RSRC1: variants seen among roughly 807,000 people sequenced by gnomAD.
RSRC1 encodes the protein serine/Arginine-related protein 53.
A neutral mutation model predicts 49.1 loss-of-function variants in RSRC1; 39 were observed. The observed-to-expected ratio is 0.79, with a 90% CI of 0.61 to 1.04. RSRC1 has a LOEUF of 1.04. Among genes scored for constraint, RSRC1 ranks in the 50% least tolerant of loss-of-function variants. The probability of loss-of-function intolerance (pLI) is 0.00; values close to 1 mark genes in which losing one functional copy is unlikely to be tolerated. For synonymous variants in RSRC1, 143 were observed against 130.8 expected (o/e 1.09, Z -0.63); for missense variants, 388 against 402.4 (o/e 0.96, Z 0.31).
chr3:158,190,986 A>G lies in RSRC1; in HGVS notation c.321-12086A>G, dbSNP rs112824636. Among the ~76,000 whole-genome samples, 1,124 of 151,976 alleles carry G rather than the reference A, an allele frequency of 7.4e-3. 20 individuals are homozygous for G. Among genetic ancestry groups the G allele is most frequent in the African/African-American group, 0.026 (1,089 of 41,502 alleles). On this transcript the variant is annotated intron_variant, in intron 3 of 9. Coordinates refer to ENST00000611884, the MANE Select transcript of RSRC1 (RefSeq NM_001271838.2). ...GGCTGGAGTACAGTGGCTCACTCCA[A>G]TCTTAGCTTACTGCAGCCTTCTAAC...
intron 1 of RSRC1, among the ~76,000 whole-genome samples, chr3:158,119,027 C>T (rs1028109472): frequency 6.6e-6 from 1 of 152,202 alleles, no homozygotes; most frequent in Non-Finnish European, 1.5e-5. Flanking sequence ...TCTTTTTTTA[C>T]TGTGTCCTTG....
At chr3:158,508,169 G>T (rs1031816779) in intron 7 of RSRC1, among the ~76,000 whole-genome samples, 2 of 152,152 alleles carry the variant, frequency 1.3e-5, no homozygotes, top group East Asian at 1.9e-4. Flanking sequence ...TTTCAATGAG[G>T]ATAGTTTAAA....
chr3:158,340,194 G>A (rs989600123), intron 5 of RSRC1, among the ~76,000 whole-genome samples: 1 of 152,102 alleles, frequency 6.6e-6, no homozygotes, highest in Non-Finnish European at 1.5e-5. Context: ...TAAGTCTCAC[G>A]AGATCTGATG....
intron 6 of RSRC1, among the ~76,000 whole-genome samples, chr3:158,385,268 T>A (rs1732912115): frequency 6.6e-6 from 1 of 152,118 alleles, no homozygotes; most frequent in South Asian, 2.1e-4. Context: ...ACCGTCCTAG[T>A]GTAGGTAGGA....
At chr3:158,282,932 A>G (rs1046486351) in intron 4 of RSRC1, among the ~76,000 whole-genome samples, 5 of 152,172 alleles carry the variant, frequency 3.3e-5, no homozygotes, top group Non-Finnish European at 5.9e-5. Flanking sequence ...GTGGTTAGTG[A>G]TAGGAGCCAA....
At chr3:158,365,949 T>A (rs555167609) in intron 6 of RSRC1, among the ~76,000 whole-genome samples, 60 of 152,234 alleles carry the variant, frequency 3.9e-4, no homozygotes, top group Non-Finnish European at 7.6e-4. Flanking sequence ...AAATGTCTTC[T>A]TTTGAGAAGT....
At chr3:158,521,648 T>C (rs1343592099) in intron 7 of RSRC1, among the ~76,000 whole-genome samples, 1 of 152,026 alleles carries the variant, frequency 6.6e-6, no homozygotes, top group Non-Finnish European at 1.5e-5. Context: ...AGCACTAATA[T>C]TCACAGTCAC....
intron 6 of RSRC1, among the ~76,000 whole-genome samples, chr3:158,412,124 CATTAGAAAGG>C (rs552767704): frequency 3.2e-4 from 49 of 152,184 alleles, no homozygotes; most frequent in African/African-American, 1.2e-3. Context: ...CGCCTAAAGA[CATTAGAAAGG>C]GATTTGTTTT....
intron 4 of RSRC1, among the ~76,000 whole-genome samples, chr3:158,248,562 GA>G (rs1371915565): frequency 2.0e-5 from 3 of 151,270 alleles, no homozygotes; most frequent in Admixed American, 6.6e-5. Flanking sequence ...TTGTTATCTG[GA>G]AATTGGATGG....
intron 1 of RSRC1, chr3:158,110,721 T>G (rs1001237746): frequency 2.0e-5 from 3 of 152,614 alleles, no homozygotes; most frequent in African/African-American, 7.2e-5. Flanking sequence ...TGGCTCACAC[T>G]GGCTTGCTGA....
intron 7 of RSRC1, among the ~76,000 whole-genome samples, chr3:158,495,326 C>T (rs1160697436): frequency 2.6e-5 from 4 of 152,130 alleles, no homozygotes; most frequent in Non-Finnish European, 5.9e-5. Context: ...GACTCTGTCA[C>T]CCAGGCTGGA....
intron 5 of RSRC1, among the ~76,000 whole-genome samples, chr3:158,345,715 A>G (rs971224339): frequency 2.0e-5 from 3 of 151,632 alleles, no homozygotes; most frequent in African/African-American, 4.8e-5. Context: ...ACTATTGACA[A>G]ATAGATCAAT....
At chr3:158,232,866 A>C (rs988765582) in intron 4 of RSRC1, among the ~76,000 whole-genome samples, 1 of 152,116 alleles carries the variant, frequency 6.6e-6, no homozygotes, top group Non-Finnish European at 1.5e-5. Context: ...ATTTATACTT[A>C]TATGACATGT....
intron 7 of RSRC1, among the ~76,000 whole-genome samples, chr3:158,464,347 T>C (rs1560054450): frequency 6.6e-6 from 1 of 152,192 alleles, no homozygotes; most frequent in Non-Finnish European, 1.5e-5. Flanking sequence ...TTCTCTCTAA[T>C]ATGAATTTCC....
chr3:158,505,577 T>A (rs1374020601), intron 7 of RSRC1, among the ~76,000 whole-genome samples: 1 of 152,068 alleles, frequency 6.6e-6, no homozygotes, highest in African/African-American at 2.4e-5. Flanking sequence ...AGGAGTGGCA[T>A]TTGAGCTGAA....
intron 4 of RSRC1, among the ~76,000 whole-genome samples, chr3:158,282,710 T>C (rs1726254973): frequency 6.6e-6 from 1 of 152,188 alleles, no homozygotes; most frequent in South Asian, 2.1e-4. Context: ...ACAATAAATA[T>C]AAGAATTTGC....
At chr3:158,174,692 CA>C (rs779863662) in intron 3 of RSRC1, among the ~76,000 whole-genome samples, 1 of 152,080 alleles carries the variant, frequency 6.6e-6, no homozygotes, top group Non-Finnish European at 1.5e-5. Flanking sequence ...AATGTTGTTT[CA>C]TGTAGCTCTC....
chr3:158,260,894 A>G (rs1724856392), intron 4 of RSRC1, among the ~76,000 whole-genome samples: 1 of 152,044 alleles, frequency 6.6e-6, no homozygotes, highest in African/African-American at 2.4e-5. Flanking sequence ...TCCCTCCCCC[A>G]AGTGCACAGA....
At chr3:158,520,636 A>G (rs974482677) in intron 7 of RSRC1, among the ~76,000 whole-genome samples, 2 of 152,092 alleles carry the variant, frequency 1.3e-5, no homozygotes, top group South Asian at 2.1e-4. Flanking sequence ...TTGACCTCCT[A>G]TGTCCATCTG....
Sources: allele counts gnomAD v4.1 joint callset (sites outside exome capture counted in the v4.1 genomes callset), GRCh38; gene constraint gnomAD v4.1.1; transcripts MANE v1.5; gene names NCBI Gene and HGNC (gene_info 2026-07-23, HGNC 2026-07-21).